SPARCL1: variants seen among roughly 807,000 people sequenced by gnomAD.
The protein encoded by SPARCL1 is SPARC-like protein 1.
Under a neutral mutation model 67.1 loss-of-function variants are expected in SPARCL1, and 52 were observed. The observed-to-expected ratio is 0.78, with a 90% CI of 0.62 to 0.98. The LOEUF is 0.98. Ranked by LOEUF, SPARCL1 falls within the 50% of genes least tolerant of loss-of-function variation. SPARCL1 has a pLI of 0.00. For synonymous variants in SPARCL1, 226 were observed against 267.8 expected, an observed-to-expected ratio of 0.84 and a Z score of 1.52; for missense variants, 717 against 782.4, an observed-to-expected ratio of 0.92 and a Z score of 1.00.
At chr4:87,487,518 C>G (rs1724125988) in intron 7 of SPARCL1, among the ~76,000 whole-genome samples, 1 of 152,128 alleles carries the variant, frequency 6.6e-6, no homozygotes, top group Non-Finnish European at 1.5e-5. Context: ...GTCTGGCTGC[C>G]CTTAACATTT....
At chr4:87,489,579 C>T (rs1021460961) in intron 7 of SPARCL1, among the ~76,000 whole-genome samples, 1 of 152,212 alleles carries the variant, frequency 6.6e-6, no homozygotes, top group Non-Finnish European at 1.5e-5. Context: ...AGGCCACTAT[C>T]TCAAAGAGAG....
At chr4:87,479,954 G>A (rs1723741546) in intron 9 of SPARCL1, among the ~76,000 whole-genome samples, 1 of 152,112 alleles carries the variant, frequency 6.6e-6, no homozygotes, top group Non-Finnish European at 1.5e-5. Flanking sequence ...AGTTGGAGGA[G>A]TATCTGTGGG....
intron 7 of SPARCL1, among the ~76,000 whole-genome samples, chr4:87,486,417 T>C (rs1194741816): frequency 6.6e-6 from 1 of 152,180 alleles, no homozygotes; most frequent in Non-Finnish European, 1.5e-5. Flanking sequence ...TTGATTGCAG[T>C]GTGGTCTGAG....
In SPARCL1 at chr4:87,493,760, T is replaced by C; in HGVS notation, c.1040A>G (p.Asp347Gly). The change falls in exon 4 of 11, where the codon GAT becomes GGT. Residue 347 changes from aspartate to glycine, a missense_variant. By Grantham distance (94) the Asp-to-Gly change is moderately conservative. Transcript: ENST00000282470. ...VDDDGDDDGD[D>G]GGTDGPRHSA... ...GTGCCTGGGGCCATCAGTGCCGCCATCATCGCCATCATCATCGCCATCATC... is the reference window on the plus strand; with the variant it reads ...GTGCCTGGGGCCATCAGTGCCGCCACCATCGCCATCATCATCGCCATCATC... 6 of 1,613,994 alleles carry C rather than the reference T, an allele frequency of 3.7e-6. No homozygotes were observed. Among genetic ancestry groups the C allele is most frequent in the Non-Finnish European group, 4.2e-6 (5 of 1,179,912 alleles).
intron 1 of SPARCL1, among the ~76,000 whole-genome samples, chr4:87,507,957 A>G (rs1725171216): frequency 6.6e-6 from 1 of 152,230 alleles, no homozygotes; most frequent in African/African-American, 2.4e-5. Context: ...AAGAGATGCA[A>G]AGGGTGAGGT....
chr4:87,510,554 G>C (rs1043286519), intron 1 of SPARCL1, among the ~76,000 whole-genome samples: 2 of 152,166 alleles, frequency 1.3e-5, no homozygotes, highest in African/African-American at 4.8e-5. Flanking sequence ...ACATAGGAGA[G>C]AGGTGGCTTG....
chr4:87,505,606 G>T (rs1350857048), intron 1 of SPARCL1, among the ~76,000 whole-genome samples: 1 of 151,940 alleles, frequency 6.6e-6, no homozygotes, highest in East Asian at 1.9e-4. Context: ...GCTCAGGCTG[G>T]AGTGTAATTG....
intron 1 of SPARCL1, among the ~76,000 whole-genome samples, chr4:87,514,670 G>A (rs10028444): frequency 0.13 from 20,426 of 152,174 alleles, 1,896 homozygotes; most frequent in Non-Finnish European, 0.21. Context: ...TAGTCACTGG[G>A]CATTTTTGTC....
chr4:87,495,070 C>G lies in SPARCL1; in HGVS notation c.112G>C (p.Asp38His), dbSNP rs746899306. The G allele has an allele frequency of 3.1e-6, 5 of 1,612,554 alleles. No homozygotes were observed. The Admixed American group carries it at 5.0e-5, about 16-fold the overall frequency. The stretch of plus-strand genomic sequence containing the variant: ...CTTAAACTGGGGATTGCAGTGTTGT[C>G]AGGTGCTACCGTTTCAGCAGTTGGT... Reference protein sequence around the residue: ...SKPTAETVAPDNTAIPSLRAE... With the variant: ...SKPTAETVAPHNTAIPSLRAE... The change falls in exon 3 of 11, where the codon GAC (aspartate) becomes CAC (histidine). Residue 38 changes from aspartate (D) to histidine (H), a missense_variant. Asp to His is a moderately conservative substitution (Grantham distance 81, BLOSUM62 -1). Coordinates refer to ENST00000282470, the MANE Select transcript of SPARCL1 (RefSeq NM_004684.6).
intron 1 of SPARCL1, among the ~76,000 whole-genome samples, chr4:87,519,616 C>T (rs1725723154): frequency 6.6e-6 from 1 of 152,102 alleles, no homozygotes; most frequent in Non-Finnish European, 1.5e-5. Context: ...CATGATTCTT[C>T]TGAAAATTTG....
chr4:87,487,874 C>G (rs1724138704), intron 7 of SPARCL1, among the ~76,000 whole-genome samples: 1 of 152,142 alleles, frequency 6.6e-6, no homozygotes, highest in Admixed American at 6.6e-5. Flanking sequence ...CTTTCTTCCA[C>G]TTAATCGATT....
intron 1 of SPARCL1, among the ~76,000 whole-genome samples, chr4:87,508,858 AATAT>A (rs1340557169): frequency 7.4e-6 from 1 of 135,848 alleles, no homozygotes; most frequent in Non-Finnish European, 1.5e-5. Context: ...TATATAGATA[AATAT>A]ATACATATAT....
At chr4:87,474,743 C>CTTTTTTTTTT (rs11397474) in intron 10 of SPARCL1, among the ~76,000 whole-genome samples, 67 of 130,714 alleles carry the variant, frequency 5.1e-4, no homozygotes, top group African/African-American at 1.8e-3. Flanking sequence ...CTCTCTCTCT[C>CTTTTTTTTTT]TTTTTTTTTT....
At chr4:87,493,529 G>T in intron 4 of SPARCL1, 53 bp downstream of exon 4, 1 of 1,508,486 alleles carries the variant, frequency 6.6e-7, no homozygotes, top group Middle Eastern at 2.1e-4. Context: ...GGTCATGACT[G>T]TTTATTGATA....
rs76500894 is a variant in SPARCL1, at chr4:87,502,541, C to A, written c.-11-2956G>T. Among the ~76,000 whole-genome samples the A allele has an allele frequency of 4.8e-3, 732 of 152,124 alleles. 2 individuals carry two copies. Among genetic ancestry groups the A allele is most frequent in the Non-Finnish European group, 7.0e-3 (477 of 68,008 alleles). ...TATATACTGTTAATTTTTTATTTCC[C>A]GAAGGCTTCTTTTTAATATTGTCCT... On this transcript the variant is annotated intron_variant, in intron 1 of 10. Coordinates refer to ENST00000282470, the MANE Select transcript of SPARCL1 (RefSeq NM_004684.6).
chr4:87,473,935 G>T, intron 10 of SPARCL1, 132 bp from the exon 11 acceptor site: 1 of 603,574 alleles, frequency 1.7e-6, no homozygotes. Context: ...ACTTTGGTAG[G>T]ACAGCAACAT....
At chr4:87,490,137 A>T in intron 7 of SPARCL1, 136 bp downstream of exon 7, 1 of 928,234 alleles carries the variant, frequency 1.1e-6, no homozygotes, top group Non-Finnish European at 1.5e-6. Flanking sequence ...TTATTTTTTA[A>T]GTTTCTCCAG....
chr4:87,479,711 T>C, intron 9 of SPARCL1, 133 bp from the exon 10 acceptor site: 1 of 777,294 alleles, frequency 1.3e-6, no homozygotes, highest in South Asian at 1.9e-5. Flanking sequence ...AGATAAAAAC[T>C]GCCAACGAAA....
At position 87,490,859 on chromosome 4, in the gene SPARCL1, C is replaced by T. The variant is rs1305247303; in HGVS notation, c.1311G>A (p.Gln437=). 1.3e-6 allele frequency: 2 copies of T among 1,598,184 alleles called. No homozygotes were observed. The highest frequency in any genetic ancestry group is 4.5e-5 in the East Asian group (2 of 44,562). Residue 437 remains glutamine (Q), a synonymous_variant, in exon 6 of 11, where the codon CAG becomes CAA. Transcript: ENST00000282470. ...VHAVDSCMSF[Q]CKRGHICKAD... ...CCTTACAGATGTGGCCTCTTTTACA[C>T]TGGAAGCTCATGCAAGAATCTAACA...
Sources: gnomAD v4.1 joint callset for allele counts (sites outside exome capture counted in the v4.1 genomes callset) on GRCh38, gnomAD v4.1.1 for gene constraint, MANE v1.5 for transcripts, NCBI Gene and HGNC (gene_info 2026-07-23, HGNC 2026-07-21) for gene names.